NLRP1: variants seen among roughly 807,000 people sequenced by gnomAD.
The protein encoded by NLRP1 is NACHT, LRR and PYD domains-containing protein 1.
NLRP1 carries 94 observed loss-of-function variants against 136.7 expected under a neutral mutation model. The observed-to-expected ratio is 0.69, with a 90% CI of 0.58 to 0.82. The LOEUF (loss-of-function observed/expected upper bound fraction) is 0.82. Ranked by LOEUF, NLRP1 falls within the 40% of genes least tolerant of loss-of-function variation. NLRP1 has a pLI of 0.00. For missense variants in NLRP1, 1,575 were observed against 1,802.7 expected, an observed-to-expected ratio of 0.87 and a Z score of 2.29; for synonymous variants, 690 against 725.1, an observed-to-expected ratio of 0.95 and a Z score of 0.78.
intron 3 of NLRP1, among the ~76,000 whole-genome samples, chr17:5,579,644 A>G (rs1051200673): frequency 2.0e-5 from 3 of 152,208 alleles, no homozygotes; most frequent in Admixed American, 2.0e-4. Flanking sequence ...ATGTATGTTT[A>G]TTGCAGCACT....
At chr17:5,531,172 T>TAATCTATC (rs1910210232) in intron 11 of NLRP1, among the ~76,000 whole-genome samples, 1 of 126,404 alleles carries the variant, frequency 7.9e-6, no homozygotes, top group Admixed American at 8.1e-5. Flanking sequence ...CTAATCTATC[T>TAATCTATC]AATCTATCTA....
chr17:5,555,150 C>T (rs748375209), intron 4 of NLRP1, among the ~76,000 whole-genome samples: 3 of 151,804 alleles, frequency 2.0e-5, no homozygotes, highest in East Asian at 1.9e-4. Flanking sequence ...TTTTTATTTC[C>T]GTTGGCATTT....
chr17:5,526,389 G>C (rs912299669), intron 12 of NLRP1, among the ~76,000 whole-genome samples: 2 of 152,154 alleles, frequency 1.3e-5, no homozygotes, highest in Non-Finnish European at 2.9e-5. Flanking sequence ...AGGCCTGAGG[G>C]ATACCACTGT....
chr17:5,582,928 T>TTGGTTGAGAGAGGAGA, intron 1 of NLRP1, 82 bp from the exon 2 acceptor site: 2 of 1,158,002 alleles, frequency 1.7e-6, no homozygotes, highest in Non-Finnish European at 2.4e-6. Flanking sequence ...GTCTCCTCTC[T>TTGGTTGAGAGAGGAGA]CAACCAAGAG....
At chr17:5,530,772 C>T (rs12940290) in intron 11 of NLRP1, 68 bp from the exon 12 acceptor site, 57,145 of 1,256,438 alleles carry the variant, frequency 0.045, 1,528 homozygotes, top group Middle Eastern at 0.078. Context: ...GATGCCAGAC[C>T]CCATGCAGGG....
At chr17:5,536,151 T>A (rs998697515) in intron 8 of NLRP1, among the ~76,000 whole-genome samples, 3 of 135,996 alleles carry the variant, frequency 2.2e-5, no homozygotes, top group African/African-American at 5.4e-5. Context: ...TTTCTTGTTC[T>A]TTTTTTTTTC....
chr17:5,540,623 T>C (rs1016421154), intron 6 of NLRP1, among the ~76,000 whole-genome samples: 1 of 152,014 alleles, frequency 6.6e-6, no homozygotes, highest in Non-Finnish European at 1.5e-5. Context: ...CTTGGGAAAA[T>C]AATGAATCTC....
At chr17:5,521,376 G>C (rs1431208369) in intron 13 of NLRP1, 148 bp downstream of exon 13, 1 of 770,606 alleles carries the variant, frequency 1.3e-6, no homozygotes, top group Non-Finnish European at 2.1e-6. Flanking sequence ...AGACTGAGAG[G>C]GGACGAATTG....
chr17:5,501,728 C>G (rs1300653024), exon 16 of NLRP1: 1 of 1,081,504 alleles, frequency 9.2e-7, no homozygotes, highest in Non-Finnish European at 1.4e-6. Flanking sequence ...GCCCATTTCT[C>G]AGACCCACCT....
chr17:5,561,948 T>C (rs9896759), intron 3 of NLRP1, among the ~76,000 whole-genome samples: 60,015 of 151,880 alleles, frequency 0.4, 12,113 homozygotes, highest in Admixed American at 0.43. Flanking sequence ...GAAGGCAGGG[T>C]GGGTGACTCC....
Position 5,559,479 on chromosome 17 carries a change from A to G in NLRP1, c.1217T>C (p.Leu406Pro), listed in dbSNP as rs779285980. The G allele has an allele frequency of 6.2e-7, 1 of 1,614,152 alleles. No individual in the cohort carries two copies. The highest frequency in any genetic ancestry group is 8.5e-7 in the Non-Finnish European group (1 of 1,179,968). ...RQILSRPERL[L>P]FILDGVDEPG... Reference sequence around the variant, plus strand: ...CTCATCTACACCATCGAGGATGAAGAGCAGCCGCTCTGGCCTAGACAGGAT... The same window carrying G: ...CTCATCTACACCATCGAGGATGAAGGGCAGCCGCTCTGGCCTAGACAGGAT... Residue 406 changes from leucine to proline, a missense_variant, in exon 4 of 17, where the codon CTC (leucine) becomes CCC (proline). Leu to Pro is a moderately conservative substitution (Grantham distance 98). Transcript: ENST00000572272.
intron 15 of NLRP1, chr17:5,503,846 C>G (rs1039956793): frequency 3.3e-5 from 5 of 152,214 alleles, no homozygotes; most frequent in Admixed American, 3.3e-4. Context: ...AAAAAAAACC[C>G]TGAATGGACA....
In NLRP1 at chr17:5,540,888, G is replaced by T. The variant is rs76435146; in HGVS notation, c.2699+969C>A. Among the ~76,000 whole-genome samples, 1,357 of 152,236 alleles carry T rather than the reference G, an allele frequency of 8.9e-3. 20 individuals are homozygous for T. Among genetic ancestry groups the T allele is most frequent in the African/African-American group, 0.03 (1,233 of 41,524 alleles). ...CGTGTGATGTGTGAACAAAGATCTC[G>T]CAAGGTGTAAACAAGGATATTTCAG... On this transcript the variant is annotated intron_variant, in intron 6 of 16. Coordinates refer to ENST00000572272, the MANE Select transcript of NLRP1 (RefSeq NM_033004.4).
chr17:5,543,388 A>G (rs1912131584), intron 5 of NLRP1, among the ~76,000 whole-genome samples: 2 of 152,160 alleles, frequency 1.3e-5, no homozygotes, highest in Non-Finnish European at 2.9e-5. Flanking sequence ...GCACGCGGTT[A>G]GTATAGTGAT....
At chr17:5,558,263 A>G in intron 4 of NLRP1, 76 bp downstream of exon 4, 1 of 1,491,280 alleles carries the variant, frequency 6.7e-7, no homozygotes, top group Non-Finnish European at 9.0e-7. Context: ...CTCAGTGAGC[A>G]TGCCTCTGGT....
intron 14 of NLRP1, among the ~76,000 whole-genome samples, chr17:5,520,122 C>T (rs982563003): frequency 1.3e-5 from 2 of 151,964 alleles, no homozygotes; most frequent in African/African-American, 2.4e-5. Flanking sequence ...ACCCAAAATG[C>T]TGGGATTACA....
intron 8 of NLRP1, among the ~76,000 whole-genome samples, chr17:5,535,313 G>T (rs1425055916): frequency 6.6e-6 from 1 of 152,114 alleles, no homozygotes; most frequent in Admixed American, 6.5e-5. Flanking sequence ...GTTCTATCGA[G>T]CTCCCAGTGA....
At chr17:5,572,686 G>T (rs999870415) in intron 3 of NLRP1, among the ~76,000 whole-genome samples, 2 of 148,426 alleles carry the variant, frequency 1.3e-5, no homozygotes, top group Non-Finnish European at 1.5e-5. Flanking sequence ...TTCCAGCTTG[G>T]ATGACAGTGT....
At position 5,515,048 on chromosome 17, in the gene NLRP1, C is replaced by T. The variant is rs199842944; in HGVS notation, c.4128G>A (p.Pro1376=). Residue 1376 remains proline (P), a synonymous_variant, in exon 17 of 17, where the codon CCG becomes CCA. Transcript: ENST00000572272. ...ACTGGTCCACAAAGTGCAGCAACTG[C>T]GGGGCATCCAGAGGTGAAGGTACGG... ...RIAVPSPLDA[P]QLLHFVDQYR... 5.7e-4 allele frequency: 919 copies of T among 1,614,098 alleles called. 4 individuals carry two copies. The highest frequency in any genetic ancestry group is 2.0e-3 in the Middle Eastern group (12 of 6,062).
Sources: allele counts gnomAD v4.1 joint callset (sites outside exome capture counted in the v4.1 genomes callset), GRCh38; gene constraint gnomAD v4.1.1; transcripts MANE v1.5; gene names NCBI Gene and HGNC (gene_info 2026-07-23, HGNC 2026-07-21).